The following CNTNAP2 variants were observed in gnomAD, a reference collection of about 807,000 sequenced individuals.
The protein encoded by CNTNAP2 is contactin-associated protein-like 2.
A neutral mutation model predicts 155.2 loss-of-function variants in CNTNAP2; 98 were observed. The observed-to-expected ratio is 0.63, with a 90% CI of 0.54 to 0.75. The LOEUF (loss-of-function observed/expected upper bound fraction) is 0.75. Among genes scored for constraint, CNTNAP2 ranks in the 30% least tolerant of loss-of-function variants. The pLI, the probability that CNTNAP2 is intolerant of heterozygous loss-of-function variation, is 0.00. For missense variants in CNTNAP2, 1,727 were observed against 1,688.1 expected (o/e 1.02, Z -0.40); for synonymous variants, 651 against 631.2 (o/e 1.03, Z -0.47).
intron 1 of CNTNAP2, among the ~76,000 whole-genome samples, chr7:146,378,011 T>C (rs1795327648): frequency 1.3e-5 from 2 of 152,224 alleles, no homozygotes; most frequent in East Asian, 1.9e-4. Flanking sequence ...ATAATACTTA[T>C]CTGCACTTAC....
In CNTNAP2 at chr7:147,834,700, T is replaced by C. The variant is rs140204422; in HGVS notation, c.2099-68865T>C. 5.3e-4 allele frequency among the ~76,000 whole-genome samples: 80 copies of C among 152,246 alleles called. 1 individual carries two copies. Among genetic ancestry groups the C allele is most frequent in the African/African-American group, 1.8e-3 (76 of 41,562 alleles). On this transcript the variant is annotated intron_variant, in intron 13 of 23. Coordinates refer to ENST00000361727, the MANE Select transcript of CNTNAP2 (RefSeq NM_014141.6). ...CGTATGGAGAAAGAATCACTTTCAA[T>C]AGAAAACCTAACATCACCAGTACTT...
chr7:146,508,679 A>G (rs1797421877), intron 1 of CNTNAP2, among the ~76,000 whole-genome samples: 1 of 151,822 alleles, frequency 6.6e-6, no homozygotes, highest in South Asian at 2.1e-4. Context: ...CTATACCTTC[A>G]CCCATCTGCA....
intron 1 of CNTNAP2, among the ~76,000 whole-genome samples, chr7:146,316,888 C>T (rs554820067): frequency 1.1e-4 from 16 of 152,060 alleles, no homozygotes; most frequent in South Asian, 8.3e-4. Context: ...TACGGGAGGT[C>T]GTCAGAGGAG....
chr7:146,750,627 G>A (rs896190905), intron 1 of CNTNAP2, among the ~76,000 whole-genome samples: 7 of 152,206 alleles, frequency 4.6e-5, no homozygotes, highest in African/African-American at 7.2e-5. Flanking sequence ...TTCTTTTGTC[G>A]TCAGTGCTAT....
intron 6 of CNTNAP2, among the ~76,000 whole-genome samples, chr7:147,126,997 G>A (rs992227042): frequency 2.0e-5 from 3 of 152,002 alleles, no homozygotes; most frequent in South Asian, 2.1e-4. Context: ...TGAAAGGTCC[G>A]AATTAAAGAA....
chr7:148,235,484 G>T (rs1796026979), intron 20 of CNTNAP2, among the ~76,000 whole-genome samples: 2 of 152,230 alleles, frequency 1.3e-5, no homozygotes, highest in Middle Eastern at 3.4e-3. Flanking sequence ...ATGAAATTGT[G>T]CTGGGCAGGC....
chr7:147,063,658 C>G (rs1478538824), intron 4 of CNTNAP2, among the ~76,000 whole-genome samples: 1 of 151,912 alleles, frequency 6.6e-6, no homozygotes, highest in African/African-American at 2.4e-5. Flanking sequence ...GCAAAAATGT[C>G]TAGTAATTAA....
chr7:146,399,036 A>G lies in CNTNAP2; in HGVS notation c.97+282063A>G, dbSNP rs575581555. Among the ~76,000 whole-genome samples, 206 of 152,030 alleles carry G rather than the reference A, an allele frequency of 1.4e-3. 1 individual carries two copies. Among genetic ancestry groups the G allele is most frequent in the African/African-American group, 4.7e-3 (196 of 41,428 alleles). On this transcript the variant is annotated intron_variant, in intron 1 of 23. Transcript: ENST00000361727. The stretch of plus-strand genomic sequence containing the variant: ...TTGCTGAGTTATTTTTTATAACAGA[A>G]TACATTTTCTTTTTCCTTTCTTTAA...
chr7:146,699,266 CT>C (rs879533598), intron 1 of CNTNAP2, among the ~76,000 whole-genome samples: 1 of 152,134 alleles, frequency 6.6e-6, no homozygotes, highest in African/African-American at 2.4e-5. Flanking sequence ...GCTGTGTCTA[CT>C]ATTTGCTGTA....
intron 1 of CNTNAP2, among the ~76,000 whole-genome samples, chr7:146,449,688 C>T (rs1050632595): frequency 7.2e-5 from 11 of 152,096 alleles, no homozygotes; most frequent in Non-Finnish European, 1.3e-4. Flanking sequence ...ATACTTAAAA[C>T]GACATTTAAG....
chr7:146,291,261 G>A (rs1563023874), intron 1 of CNTNAP2, among the ~76,000 whole-genome samples: 1 of 152,002 alleles, frequency 6.6e-6, no homozygotes, highest in Non-Finnish European at 1.5e-5. Context: ...ACAAACCAGG[G>A]GCCTGCAAAC....
At chr7:148,241,871 C>T (rs1796163987) in intron 20 of CNTNAP2, among the ~76,000 whole-genome samples, 1 of 152,174 alleles carries the variant, frequency 6.6e-6, no homozygotes. Flanking sequence ...ACAGTACCTC[C>T]ATTCCTACAC....
At chr7:147,397,849 C>T (rs571637447) in intron 10 of CNTNAP2, among the ~76,000 whole-genome samples, 2 of 151,320 alleles carry the variant, frequency 1.3e-5, no homozygotes, top group South Asian at 4.2e-4. Flanking sequence ...GAACAAAGTT[C>T]ACACCTTTCT....
chr7:146,133,683 T>A lies in CNTNAP2; in HGVS notation c.97+16710T>A, dbSNP rs569578347. Reference sequence around the variant, plus strand: ...TATTAAATAGGGAATCCTTTCCCCATTGCTTGTTTTTCTCAGGTTTGTCAA... The same window carrying A: ...TATTAAATAGGGAATCCTTTCCCCAATGCTTGTTTTTCTCAGGTTTGTCAA... On this transcript the variant is annotated intron_variant, in intron 1 of 23. Coordinates refer to ENST00000361727, the MANE Select transcript of CNTNAP2 (RefSeq NM_014141.6). 1.1e-4 allele frequency among the ~76,000 whole-genome samples: 17 copies of A among 152,300 alleles called. No homozygotes were observed. In the South Asian group the frequency reaches 1.7e-3, roughly 15 times the overall value.
chr7:147,093,201 A>G (rs1800450492), intron 4 of CNTNAP2, among the ~76,000 whole-genome samples: 1 of 147,384 alleles, frequency 6.8e-6, no homozygotes, highest in South Asian at 2.1e-4. Flanking sequence ...AGATCGCACC[A>G]CTGCACTCCA....
In CNTNAP2 at chr7:147,769,227, A is replaced by C. The variant is rs851678; in HGVS notation, c.2098+129921A>C. ...ATGTATCATCAGAATAAAGAGGAAT[A>C]AACATTACAATAACATTTTTCAAGT... On this transcript the variant is annotated intron_variant, in intron 13 of 23. Coordinates refer to ENST00000361727, the MANE Select transcript of CNTNAP2 (RefSeq NM_014141.6). Among the ~76,000 whole-genome samples, 829 of 152,282 alleles carry C rather than the reference A, an allele frequency of 5.4e-3. 8 individuals carry two copies. The highest frequency in any genetic ancestry group is 0.019 in the African/African-American group (793 of 41,576).
intron 11 of CNTNAP2, among the ~76,000 whole-genome samples, chr7:147,527,469 A>G (rs1002249385): frequency 2.6e-5 from 4 of 152,190 alleles, no homozygotes; most frequent in Non-Finnish European, 5.9e-5. Context: ...GTTATACCTC[A>G]TTTTCTAAAA....
At chr7:147,048,000 T>C (rs539860316) in intron 4 of CNTNAP2, among the ~76,000 whole-genome samples, 1 of 152,234 alleles carries the variant, frequency 6.6e-6, no homozygotes, top group East Asian at 1.9e-4. Flanking sequence ...GCCTTTATTC[T>C]TGGAAGTTGT....
chr7:147,924,143 C>CTTTTCTTTTTT (rs1554450278), intron 14 of CNTNAP2, among the ~76,000 whole-genome samples: 1 of 123,494 alleles, frequency 8.1e-6, no homozygotes, highest in African/African-American at 3.2e-5. Context: ...CTTTTCTTTT[C>CTTTTCTTTTTT]TTTTTTTTTT....
Sources: gnomAD v4.1 joint callset for allele counts (sites outside exome capture counted in the v4.1 genomes callset) on GRCh38, gnomAD v4.1.1 for gene constraint, MANE v1.5 for transcripts, NCBI Gene and HGNC (gene_info 2026-07-23, HGNC 2026-07-21) for gene names.